The following SF1 variants were observed in gnomAD, a reference collection of about 807,000 sequenced individuals.
SF1 encodes the protein splicing factor 1, also known as branch point-binding protein.
SF1 carries 7 observed loss-of-function variants against 62.5 expected under a neutral mutation model. The ratio of observed to expected loss-of-function variants is 0.11; its 90% confidence interval spans 0.06 to 0.21. The LOEUF is 0.21. Among genes scored for constraint, SF1 ranks in the 10% least tolerant of loss-of-function variants. The probability of loss-of-function intolerance (pLI) is 1.00; values close to 1 mark genes in which losing one functional copy is unlikely to be tolerated. For synonymous variants in SF1, 394 were observed against 323.6 expected (o/e 1.22, Z -2.33); for missense variants, 578 against 884.0 (o/e 0.65, Z 4.39).
Position 64,770,399 on chromosome 11 carries a change from G to A in SF1, c.246C>T (p.Ser82=), listed in dbSNP as rs1203389425. 6.2e-7 allele frequency: 1 copy of A among 1,612,938 alleles called. No homozygotes were observed. The highest frequency in any genetic ancestry group is 8.5e-7 in the Non-Finnish European group (1 of 1,179,000). ...CCTCGCTATTGTAGATGGGCTCAGG[G>A]GAAGGGGACCTGTGGGAAACAGACT... ...IPPNPEDRSP[S]PEPIYNSEGK... is the part of the protein sequence containing the mutation. The change falls in exon 4 of 13, where the codon TCC becomes TCT. Residue 82 remains serine, a synonymous_variant. Coordinates refer to ENST00000377390, the MANE Select transcript of SF1 (RefSeq NM_004630.4).
Position 64,778,474 on chromosome 11 carries a change from C to A in SF1, c.-82G>T. On this transcript the variant is annotated 5_prime_UTR_variant, in exon 1 of 13. Coordinates refer to ENST00000377390, the MANE Select transcript of SF1 (RefSeq NM_004630.4). ...CGCAAGCCTCCCGGGGGGAGGGGACCCGAATGCGCTGCCGGAGCGCGCGGA... is the reference window on the plus strand; with the variant it reads ...CGCAAGCCTCCCGGGGGGAGGGGACACGAATGCGCTGCCGGAGCGCGCGGA... 3 of 1,208,456 alleles carry A rather than the reference C, an allele frequency of 2.5e-6. No homozygotes were observed. In the East Asian group the frequency reaches 1.0e-4, roughly 40 times the overall value. 74.9% of individuals were successfully genotyped at this position (1,208,456 alleles called of 1,614,324 possible). A position where few individuals can be genotyped will look rare whatever the true frequency, so the allele number is the denominator to read the frequency against.
chr11:64,768,392 AC>A, intron 8 of SF1, 106 bp from the exon 9 acceptor site: 1 of 1,011,224 alleles, frequency 9.9e-7, no homozygotes, highest in Non-Finnish European at 1.5e-6. Context: ...GAATTCAATC[AC>A]CAGATCATCA....
At position 64,770,366 on chromosome 11, in the gene SF1, C is replaced by A; in HGVS notation, c.279G>T (p.Arg93=). ...GGGTGCGGAACTCTCGGGTGTTAAG[C>A]CGCTTCCCCTCGCTATTGTAGATGG... The part of the protein sequence containing the change: ...PEPIYNSEGK[R]LNTREFRTRK... The change falls in exon 4 of 13, where the codon CGG becomes CGT. Residue 93 remains arginine (R), a synonymous_variant. Transcript: ENST00000377390. 1 of 1,614,096 alleles carries A rather than the reference C, an allele frequency of 6.2e-7. No individual in the cohort carries two copies. The highest frequency in any genetic ancestry group is 8.5e-7 in the Non-Finnish European group (1 of 1,180,000).
chr11:64,766,355 G>A (rs1306967303), intron 12 of SF1, 200 bp from the exon 13 acceptor site: 1 of 593,584 alleles, frequency 1.7e-6, no homozygotes, highest in South Asian at 2.0e-5. Context: ...GAGGTCTCTG[G>A]GCTTAACAGA....
Position 64,769,327 on chromosome 11 carries a change from G to T in SF1, c.675C>A (p.Ile225=). Residue 225 remains isoleucine, a synonymous_variant, in exon 7 of 13, where the codon ATC becomes ATA. Transcript: ENST00000377390. ...CTGGAGTCTCGATACCCTGCTTCAG[G>T]ATGTTTCTTATCTAGTGAAAATGCA... is the stretch of plus-strand genomic sequence containing the variant. ...VKKAVEQIRN[I]LKQGIETPED... The T allele has an allele frequency of 5.6e-6, 9 of 1,614,138 alleles. No homozygotes were observed. The highest frequency in any genetic ancestry group is 7.6e-6 in the Non-Finnish European group (9 of 1,179,994).
Position 64,765,658 on chromosome 11 carries a change from TCA to T in SF1, c.*158_*159del, listed in dbSNP as rs2058596237. The T allele has an allele frequency of 2.7e-6, 4 of 1,484,284 alleles. No individual in the cohort carries two copies. The highest frequency in any genetic ancestry group is 2.7e-6 in the Non-Finnish European group (3 of 1,123,926). The allele number at this position is 1,484,284 out of a possible 1,614,324, so 91.9% of individuals were successfully genotyped here. On this transcript the variant is annotated 3_prime_UTR_variant, in exon 13 of 13. Coordinates refer to ENST00000377390, the MANE Select transcript of SF1 (RefSeq NM_004630.4). ...CACCTGCCCGTTCCCAAGCGAATCC[TCA>T]GTCGCTTGGCCCAGCCCAGTGCGTG...
intron 8 of SF1, 83 bp from the exon 9 acceptor site, chr11:64,768,369 G>A: frequency 7.6e-7 from 1 of 1,321,284 alleles, no homozygotes; most frequent in Non-Finnish European, 1.1e-6. Context: ...ACCAACATAT[G>A]GAAAGTTCTG....
intron 10 of SF1, 54 bp from the exon 11 acceptor site, chr11:64,767,305 A>T: frequency 1.3e-6 from 2 of 1,554,048 alleles, no homozygotes; most frequent in Non-Finnish European, 1.8e-6. Flanking sequence ...TGGCCAGGGA[A>T]GCCACCCCTG....
intron 2 of SF1, among the ~76,000 whole-genome samples, chr11:64,774,902 A>G (rs1938917754): frequency 6.6e-6 from 1 of 151,482 alleles, no homozygotes; most frequent in African/African-American, 2.4e-5. Flanking sequence ...CGCAGGTTGC[A>G]GTGAGCCGAG....
intron 2 of SF1, among the ~76,000 whole-genome samples, chr11:64,775,706 G>A (rs982461844): frequency 3.3e-5 from 5 of 152,166 alleles, no homozygotes; most frequent in Non-Finnish European, 5.9e-5. Context: ...TGAGACAGCT[G>A]CACAGGTATA....
At chr11:64,777,653 A>G (rs905464768) in intron 1 of SF1, 256 of 985,448 alleles carry the variant, frequency 2.6e-4, no homozygotes, top group Non-Finnish European at 3.0e-4. Flanking sequence ...CACCCCGTCC[A>G]GCGCTGAACA....
intron 3 of SF1, 124 bp from the exon 4 acceptor site, chr11:64,770,532 C>A: frequency 9.7e-7 from 1 of 1,029,284 alleles, no homozygotes; most frequent in South Asian, 1.6e-5. Flanking sequence ...TCGGAGGAAC[C>A]GACCATAACG....
chr11:64,767,217 C>A lies in SF1; in HGVS notation c.1377G>T (p.Gly459=). The change falls in exon 11 of 13, where the codon GGG becomes GGT. Residue 459 remains glycine (G), a synonymous_variant. Coordinates refer to ENST00000377390, the MANE Select transcript of SF1 (RefSeq NM_004630.4). ...QYLGSTPVGS[G]VYRLHQGKGM... is the part of the protein sequence containing the mutation. ...CTTTTCCTTGATGCAGGCGATAGAC[C>A]CCAGAGCCCACAGGCGTACTTCCCA... is the stretch of plus-strand genomic sequence containing the variant. 1 of 1,614,044 alleles carries A rather than the reference C, an allele frequency of 6.2e-7. No individual in the cohort carries two copies. Among genetic ancestry groups the A allele is most frequent in the Non-Finnish European group, 8.5e-7 (1 of 1,179,986 alleles).
At chr11:64,770,605 G>A (rs914029401) in intron 3 of SF1, 197 bp from the exon 4 acceptor site, 1 of 523,324 alleles carries the variant, frequency 1.9e-6, no homozygotes, top group Non-Finnish European at 3.3e-6. Flanking sequence ...GGGGTCTGGG[G>A]TGTGTGTGAG....
chr11:64,776,329 T>C (rs1177062156), intron 2 of SF1, 169 bp downstream of exon 2: 2 of 671,446 alleles, frequency 3.0e-6, no homozygotes, highest in African/African-American at 3.7e-5. Flanking sequence ...AACAAGGAGC[T>C]GCAAATGCAG....
At chr11:64,776,893 G>T (rs1939354260) in intron 1 of SF1, among the ~76,000 whole-genome samples, 1 of 152,192 alleles carries the variant, frequency 6.6e-6, no homozygotes, top group African/African-American at 2.4e-5. Flanking sequence ...TATAAACGTG[G>T]TAATCTTAAT....
chr11:64,772,109 GT>G, intron 3 of SF1: 1 of 985,408 alleles, frequency 1.0e-6, no homozygotes, highest in Non-Finnish European at 1.2e-6. Context: ...GCAAAAGCTA[GT>G]ATTCTAGAGG....
At chr11:64,766,382 C>A in intron 12 of SF1, 1 of 565,578 alleles carries the variant, frequency 1.8e-6, no homozygotes, top group Non-Finnish European at 3.1e-6. Flanking sequence ...CCTTTGTCAC[C>A]AATGCCCCTG....
At chr11:64,773,132 A>C in intron 3 of SF1, 1 of 1,207,960 alleles carries the variant, frequency 8.3e-7, no homozygotes, top group Non-Finnish European at 1.0e-6. Flanking sequence ...TTAACGGGCC[A>C]CCTCACTGTC....
Sources: allele counts gnomAD v4.1 joint callset (sites outside exome capture counted in the v4.1 genomes callset), GRCh38; gene constraint gnomAD v4.1.1; transcripts MANE v1.5; gene names NCBI Gene and HGNC (gene_info 2026-07-23, HGNC 2026-07-21).